The following ITSN1 variants were observed in gnomAD, a reference collection of about 807,000 sequenced individuals.
ITSN1 encodes the protein intersectin-1.
ITSN1 carries 58 observed loss-of-function variants against 239.8 expected under a neutral mutation model. That is an observed-to-expected ratio of 0.24 (90% CI 0.20 to 0.30). The LOEUF is 0.30. ITSN1 is among the 10% of genes least tolerant of loss of function. The pLI, the probability that ITSN1 is intolerant of heterozygous loss-of-function variation, is 1.00. For synonymous variants in ITSN1, 780 were observed against 770.8 expected, an observed-to-expected ratio of 1.01 and a Z score of -0.20; for missense variants, 1,558 against 2,103.3, an observed-to-expected ratio of 0.74 and a Z score of 5.07.
At chr21:33,712,662 A>G (rs566152315) in intron 1 of ITSN1, among the ~76,000 whole-genome samples, 1 of 152,276 alleles carries the variant, frequency 6.6e-6, no homozygotes, top group East Asian at 1.9e-4. Context: ...GCTTCACTGC[A>G]TAGCTCCCTG....
intron 29 of ITSN1, among the ~76,000 whole-genome samples, chr21:33,850,979 A>G (rs945038731): frequency 4.6e-5 from 7 of 152,170 alleles, no homozygotes; most frequent in African/African-American, 1.7e-4. Context: ...ATCCGGGGCC[A>G]TTGAGCCAGA....
chr21:33,834,411 A>T lies in ITSN1; in HGVS notation c.3456A>T (p.Thr1152=), dbSNP rs2074480509. The change falls in exon 28 of 40, where the codon ACA becomes ACT. Residue 1152 remains threonine (T), a synonymous_variant. Transcript: ENST00000381318. ...KITPTEPPKS[T]ALAAVCQVIG... is the part of the protein sequence containing the mutation. ...CTCCAACAGAGCCACCTAAGTCAAC[A>T]GCATTAGCGGCAGGTAAGGAGTTTC... 1 of 1,610,808 alleles carries T rather than the reference A, an allele frequency of 6.2e-7. No homozygotes were observed. The highest frequency in any genetic ancestry group is 8.5e-7 in the Non-Finnish European group (1 of 1,177,664).
chr21:33,709,733 T>G (rs977331699), intron 1 of ITSN1, among the ~76,000 whole-genome samples: 1 of 152,218 alleles, frequency 6.6e-6, no homozygotes, highest in Non-Finnish European at 1.5e-5. Context: ...CCTGCAGTTT[T>G]GTTAAATTCA....
Position 33,836,428 on chromosome 21 carries a change from C to G in ITSN1, c.3470-13C>G. ...CGGGTGTGCAGCCGCTCACCCAGCC[C>G]TGTCTCCTGCAGTGTGCCAGGTGAT... On this transcript the variant is annotated splice_polypyrimidine_tract_variant and intron_variant, in intron 28 of 39. Transcript: ENST00000381318. The G allele has an allele frequency of 6.3e-7, 1 of 1,581,698 alleles. No homozygotes were observed. The highest frequency in any genetic ancestry group is 8.6e-7 in the Non-Finnish European group (1 of 1,159,866).
chr21:33,841,429 C>T (rs868573144), intron 29 of ITSN1, among the ~76,000 whole-genome samples: 3 of 152,154 alleles, frequency 2.0e-5, no homozygotes, highest in Admixed American at 6.5e-5. Flanking sequence ...TGAAATCAAC[C>T]GGTGACTATA....
At chr21:33,691,644 T>C (rs1313403630) in intron 1 of ITSN1, among the ~76,000 whole-genome samples, 1 of 152,234 alleles carries the variant, frequency 6.6e-6, no homozygotes, top group African/African-American at 2.4e-5. Flanking sequence ...TACTATAGAC[T>C]AGATGCCTTA....
intron 18 of ITSN1, among the ~76,000 whole-genome samples, chr21:33,798,261 C>A (rs2071714843): frequency 6.8e-6 from 1 of 147,124 alleles, no homozygotes; most frequent in Non-Finnish European, 1.5e-5. Flanking sequence ...CCATGCCCAG[C>A]TAATTTTTTT....
intron 1 of ITSN1, among the ~76,000 whole-genome samples, chr21:33,701,448 AT>A (rs1190717299): frequency 6.6e-6 from 1 of 151,698 alleles, no homozygotes; most frequent in Non-Finnish European, 1.5e-5. Context: ...GAATTACCTC[AT>A]TTCATCTTGC....
intron 23 of ITSN1, 110 bp from the exon 24 acceptor site, chr21:33,819,131 G>A (rs965531172): frequency 1.8e-5 from 13 of 724,338 alleles, no homozygotes; most frequent in Non-Finnish European, 2.8e-5. Context: ...TTTCAGCTGT[G>A]GGTCGTTTAA....
At chr21:33,876,436 T>C (rs9979342) in intron 34 of ITSN1, among the ~76,000 whole-genome samples, 89,199 of 151,838 alleles carry the variant, frequency 0.59, 27,191 homozygotes, top group African/African-American at 0.76. Flanking sequence ...ACAATCCCAG[T>C]TCAATGCAGC....
chr21:33,801,615 ACC>A (rs1353001946), intron 19 of ITSN1, among the ~76,000 whole-genome samples: 2 of 152,096 alleles, frequency 1.3e-5, no homozygotes, highest in African/African-American at 4.8e-5. Context: ...GTGCCACCAC[ACC>A]GAGCTAATTT....
intron 29 of ITSN1, among the ~76,000 whole-genome samples, chr21:33,845,680 A>G (rs891175863): frequency 1.3e-5 from 2 of 152,064 alleles, no homozygotes; most frequent in African/African-American, 4.8e-5. Flanking sequence ...TGCAGAGGGG[A>G]AACTGGGCTG....
intron 30 of ITSN1, among the ~76,000 whole-genome samples, chr21:33,857,208 C>A (rs1979515047): frequency 6.6e-6 from 1 of 152,184 alleles, no homozygotes. Flanking sequence ...ATGGAGCCAG[C>A]CACGCCGCCC....
At chr21:33,721,559 G>A (rs1403988658) in intron 3 of ITSN1, among the ~76,000 whole-genome samples, 2 of 152,024 alleles carry the variant, frequency 1.3e-5, no homozygotes, top group East Asian at 1.9e-4. Flanking sequence ...ACTCTGGGAG[G>A]CCGAGGTGGG....
rs1981753323 is a variant in ITSN1, at chr21:33,867,163, A to G, written c.4075-70A>G. On this transcript the variant is annotated intron_variant, in intron 32 of 39. Coordinates refer to ENST00000381318, the MANE Select transcript of ITSN1 (RefSeq NM_003024.3). The stretch of plus-strand genomic sequence containing the variant: ...TAATGGGTGGAGAGTCCTCACTGAC[A>G]TTAGTATTGATGTCACTAACTTTGG... 8.1e-6 allele frequency: 7 copies of G among 859,820 alleles called. No individual in the cohort carries two copies. In the East Asian group the frequency reaches 9.6e-5, roughly 12 times the overall value. 53.3% of individuals were successfully genotyped at this position (859,820 alleles called of 1,614,324 possible).
intron 1 of ITSN1, among the ~76,000 whole-genome samples, chr21:33,718,170 A>T (rs1049690319): frequency 2.0e-5 from 3 of 152,218 alleles, no homozygotes; most frequent in Admixed American, 6.5e-5. Context: ...CAGGGCTGTG[A>T]TGATGAGTAG....
intron 22 of ITSN1, chr21:33,817,633 G>T: frequency 8.1e-7 from 1 of 1,241,026 alleles, no homozygotes. Context: ...GGTTAATAAA[G>T]TGCTTTTCCC....
intron 22 of ITSN1, chr21:33,817,369 C>T (rs986672125): frequency 2.8e-5 from 36 of 1,304,312 alleles, no homozygotes; most frequent in Admixed American, 2.1e-4. Flanking sequence ...GCCCTTCCTC[C>T]GAAGCCCTAG....
chr21:33,817,482 T>C (rs1214165396), intron 22 of ITSN1: 1 of 1,304,502 alleles, frequency 7.7e-7, no homozygotes, highest in Non-Finnish European at 1.0e-6. Flanking sequence ...GTTTTCTCTT[T>C]ATTCCTGCAG....
Sources: gnomAD v4.1 joint callset for allele counts (sites outside exome capture counted in the v4.1 genomes callset) on GRCh38, gnomAD v4.1.1 for gene constraint, MANE v1.5 for transcripts, NCBI Gene and HGNC (gene_info 2026-07-23, HGNC 2026-07-21) for gene names.